TRIM72: variants seen among roughly 807,000 people sequenced by gnomAD.
The protein encoded by TRIM72 is tripartite motif-containing protein 72.
TRIM72 carries 33 observed loss-of-function variants against 31.6 expected under a neutral mutation model. The ratio of observed to expected loss-of-function variants is 1.04; its 90% CI spans 0.79 to 1.40. The LOEUF is 1.40. TRIM72 is among the 40% of genes most tolerant of loss of function. The pLI is 0.00. For missense variants in TRIM72, 666 were observed against 682.7 expected (o/e 0.98, Z 0.27); for synonymous variants, 301 against 314.4 (o/e 0.96, Z 0.45).
chr16:31,223,884 C>T (rs756202361), intron 6 of TRIM72, among the ~76,000 whole-genome samples: 3 of 151,824 alleles, frequency 2.0e-5, no homozygotes, highest in South Asian at 2.1e-4. Context: ...CCAGCCTGGG[C>T]GACAGAGTGA....
Position 31,219,453 on chromosome 16 carries a change from G to A in TRIM72, c.651G>A (p.Glu217=), listed in dbSNP as rs747123016. 6.2e-7 allele frequency: 1 copy of A among 1,611,784 alleles called. No homozygotes were observed. Among genetic ancestry groups the A allele is most frequent in the Non-Finnish European group, 8.5e-7 (1 of 1,179,334 alleles). ...TGGGGAGCCTGAACTCTTACCTGGA[G>A]CAGCTGCGGCAGATGGAGAAGGTCC... ...RELGSLNSYL[E]QLRQMEKVLE... The change falls in exon 4 of 7, where the codon GAG becomes GAA. Residue 217 remains glutamate, a synonymous_variant. Transcript: ENST00000322122. The surrounding 1 kb of genome is among the most constrained non-coding windows in gnomAD (Gnocchi z 4.2).
rs1441494900 is a variant in TRIM72, at chr16:31,224,505, T to C, written c.1184T>C (p.Val395Ala). 2 of 1,493,526 alleles carry C rather than the reference T, an allele frequency of 1.3e-6. No individual in the cohort carries two copies. Among genetic ancestry groups the C allele is most frequent in the South Asian group, 1.3e-5 (1 of 78,142 alleles). The allele number at this position is 1,493,526 out of a possible 1,614,324, so 92.5% of individuals were successfully genotyped here. ...LREGKILEAH[V>A]EAKEPRALRS... ...GAGGGCAAGATCCTGGAGGCACACG[T>C]GGAGGCCAAGGAGCCGCGCGCTCTG... Residue 395 changes from valine (V) to alanine (A), a missense_variant, in exon 7 of 7, where the codon GTG becomes GCG. Physicochemically the swap from Val to Ala is moderately conservative, Grantham distance 64 (BLOSUM62 0). Coordinates refer to ENST00000322122, the MANE Select transcript of TRIM72 (RefSeq NM_001008274.4).
In TRIM72 at chr16:31,226,179, A is replaced by C. The variant is rs1285773396; in HGVS notation, c.*1424A>C. The stretch of plus-strand genomic sequence containing the variant: ...CTGACGCTGCGGGAAGCCCTGACCT[A>C]GTGCACAACCCATTGGGCTCTTCAC... On this transcript the variant is annotated 3_prime_UTR_variant, in exon 7 of 7. Coordinates refer to ENST00000322122, the MANE Select transcript of TRIM72 (RefSeq NM_001008274.4). 6.6e-6 allele frequency: 1 copy of C among 152,124 alleles called. No individual in the cohort carries two copies. The highest frequency in any genetic ancestry group is 1.5e-5 in the Non-Finnish European group (1 of 68,020). 9.4% of individuals were successfully genotyped at this position (152,124 alleles called of 1,614,324 possible).
At chr16:31,214,574 T>C (rs1217840380) in intron 1 of TRIM72, among the ~76,000 whole-genome samples, 158 bp from the exon 2 acceptor site, 1 of 152,170 alleles carries the variant, frequency 6.6e-6, no homozygotes, top group Non-Finnish European at 1.5e-5. Flanking sequence ...TCTTTCCCCT[T>C]GGCCGTCAGA....
chr16:31,216,640 A>G lies in TRIM72; in HGVS notation c.390+1512A>G. The G allele has an allele frequency of 8.1e-7, 1 of 1,238,442 alleles. No individual in the cohort carries two copies. Among genetic ancestry groups the G allele is most frequent in the South Asian group, 1.5e-5 (1 of 65,760 alleles). The allele number at this position is 1,238,442 out of a possible 1,614,324, so 76.7% of individuals were successfully genotyped here. A position where few individuals can be genotyped will look rare whatever the true frequency, so the allele number is the denominator to read the frequency against. On this transcript the variant is annotated intron_variant, in intron 2 of 6. Transcript: ENST00000322122. This position sits in a 1 kb window ranked among gnomAD's most constrained non-coding sequence, Gnocchi z 6.7. The stretch of plus-strand genomic sequence containing the variant: ...GGGCTGGCCGGAGGTCTGAGGGAGG[A>G]CCCCAGGAGGGACCCTGAAGGAGGG...
chr16:31,221,856 G>A, intron 5 of TRIM72, among the ~76,000 whole-genome samples: 1 of 150,458 alleles, frequency 6.6e-6, no homozygotes. Flanking sequence ...AGGGCATTGT[G>A]GGGAGAAGGG....
chr16:31,218,281 A>T lies in TRIM72; in HGVS notation c.391-814A>T, dbSNP rs1347395785. On this transcript the variant is annotated intron_variant, in intron 2 of 6. Coordinates refer to ENST00000322122, the MANE Select transcript of TRIM72 (RefSeq NM_001008274.4). ...CAAGGGGCTGGGGGTGTGGCGGTTC[A>T]TGCCTGTAATCCCAGCATGCTGGGA... Among the ~76,000 whole-genome samples the T allele has an allele frequency of 2.0e-5, 3 of 152,020 alleles. No individual in the cohort carries two copies. The East Asian group carries it at 5.8e-4, about 29-fold the overall frequency.
chr16:31,216,869 C>T lies in TRIM72; in HGVS notation c.390+1741C>T, dbSNP rs1567493153. The T allele has an allele frequency of 1.9e-6, 3 of 1,613,922 alleles. No homozygotes were observed. Among genetic ancestry groups the T allele is most frequent in the Non-Finnish European group, 1.7e-6 (2 of 1,179,986 alleles). ...TCGTAGTAGGAGGCGACCAGCTTGT[C>T]GGTGAGGTCCACGATATCTAGCTGC... On this transcript the variant is annotated intron_variant, in intron 2 of 6. Transcript: ENST00000322122. This position sits in a 1 kb window ranked among gnomAD's most constrained non-coding sequence, Gnocchi z 6.7.
intron 5 of TRIM72, among the ~76,000 whole-genome samples, chr16:31,222,498 T>TTTTA (rs398029196): frequency 3.3e-5 from 5 of 149,390 alleles, no homozygotes; most frequent in East Asian, 1.9e-4. Flanking sequence ...TTTTTTTTTT[T>TTTTA]AGACAGGATC....
rs1203185409 is a variant in TRIM72 at position 31,214,996 on chromosome 16, C to A, written c.258C>A (p.Cys86Ter). ...TGGCCCAGGTGCCGCAGGGCCACTGCGAGGAGCACCTGGACCCGCTGAGCA... is the reference window on the plus strand; with the variant it reads ...TGGCCCAGGTGCCGCAGGGCCACTGAGAGGAGCACCTGGACCCGCTGAGCA... ...EGLAQVPQGH[C>*]EEHLDPLSIY... Residue 86 changes from cysteine (C) to a stop codon, truncating the protein, a stop_gained, in exon 2 of 7, where the codon TGC (cysteine) becomes TGA (stop). Coordinates refer to ENST00000322122, the MANE Select transcript of TRIM72 (RefSeq NM_001008274.4). LOFTEE classifies it high-confidence loss of function. 1 of 1,499,174 alleles carries A rather than the reference C, an allele frequency of 6.7e-7. No individual in the cohort carries two copies. The highest frequency in any genetic ancestry group is 1.3e-5 in the South Asian group (1 of 79,906). 92.9% of individuals were successfully genotyped at this position (1,499,174 alleles called of 1,614,324 possible).
rs1434480992 is a variant in TRIM72, at chr16:31,224,815, TCGGGTCTGA to T, written c.*65_*73del. On this transcript the variant is annotated 3_prime_UTR_variant, in exon 7 of 7. Transcript: ENST00000322122. ...TGGGTTGAAGCTTAGGTCTCCTTGG[TCGGGTCTGA>T]CGGGAGAAGGGTGGGGAGCGGGTTG... The T allele has an allele frequency of 1.4e-6, 2 of 1,402,172 alleles. No individual in the cohort carries two copies. The highest frequency in any genetic ancestry group is 5.5e-5 in the East Asian group (2 of 36,590). 86.9% of individuals were successfully genotyped at this position (1,402,172 alleles called of 1,614,324 possible). A position where few individuals can be genotyped will look rare whatever the true frequency, so the allele number is the denominator to read the frequency against.
chr16:31,229,027 T>A lies in TRIM72; in HGVS notation c.*4272T>A, dbSNP rs2079562466. The A allele has an allele frequency of 6.6e-6, 1 of 152,330 alleles. No individual in the cohort carries two copies. Among genetic ancestry groups the A allele is most frequent in the South Asian group, 2.1e-4 (1 of 4,832 alleles). 9.4% of individuals were successfully genotyped at this position (152,330 alleles called of 1,614,324 possible). A position where few individuals can be genotyped will look rare whatever the true frequency, so the allele number is the denominator to read the frequency against. ...TCTCCTCTCTGGATCGCCCAGCAGCTCCTCCACCATGTGTAGCCCACGGCA... is the reference window on the plus strand; with the variant it reads ...TCTCCTCTCTGGATCGCCCAGCAGCACCTCCACCATGTGTAGCCCACGGCA... On this transcript the variant is annotated 3_prime_UTR_variant, in exon 7 of 7. Transcript: ENST00000322122.
rs1596945469 is a variant in TRIM72, at chr16:31,227,039, T to C, written c.*2284T>C. On this transcript the variant is annotated 3_prime_UTR_variant, in exon 7 of 7. Coordinates refer to ENST00000322122, the MANE Select transcript of TRIM72 (RefSeq NM_001008274.4). ...AGAGGAAGGCCTGTGGAGCCCTGGC[T>C]TCAGGAGACAGAAGAGAGGATTAAC... 1 of 152,330 alleles carries C rather than the reference T, an allele frequency of 6.6e-6. No individual in the cohort carries two copies. The highest frequency in any genetic ancestry group is 1.5e-5 in the Non-Finnish European group (1 of 68,044). 9.4% of individuals were successfully genotyped at this position (152,330 alleles called of 1,614,324 possible).
In TRIM72 at chr16:31,216,436, A is replaced by AAC; in HGVS notation, c.390+1309_390+1310insCA. The AAC allele has an allele frequency of 2.8e-6, 1 of 352,824 alleles. No homozygotes were observed. Among genetic ancestry groups the AAC allele is most frequent in the Non-Finnish European group, 5.1e-6 (1 of 194,996 alleles). The allele number at this position is 352,824 out of a possible 1,614,324, so 21.9% of individuals were successfully genotyped here. On this transcript the variant is annotated intron_variant, in intron 2 of 6. Transcript: ENST00000322122. The surrounding 1 kb of genome is among the most constrained non-coding windows in gnomAD (Gnocchi z 6.7). ...CTTGCTGCCGCTAAAAAAAAAACAA[A>AAC]AAACAAACAAACAAAAAAAACCCAA...
chr16:31,219,681 AC>A lies in TRIM72; in HGVS notation c.717+163del, dbSNP rs1322977396. Reference sequence around the variant, plus strand: ...TGCTATATGGTTGTTTAGGTTGAGCACTGCATAAGGACATTGTATTAAGTGA... The same window carrying A: ...TGCTATATGGTTGTTTAGGTTGAGCATGCATAAGGACATTGTATTAAGTGA... On this transcript the variant is annotated intron_variant, in intron 4 of 6. Coordinates refer to ENST00000322122, the MANE Select transcript of TRIM72 (RefSeq NM_001008274.4). This position sits in a 1 kb window ranked among gnomAD's most constrained non-coding sequence, Gnocchi z 4.2. 6.6e-6 allele frequency among the ~76,000 whole-genome samples: 1 copy of A among 152,212 alleles called. No individual in the cohort carries two copies. The highest frequency in any genetic ancestry group is 1.9e-4 in the East Asian group (1 of 5,202).
intron 4 of TRIM72, among the ~76,000 whole-genome samples, chr16:31,220,389 A>G (rs187323704): frequency 8.2e-5 from 12 of 147,002 alleles, no homozygotes; most frequent in Admixed American, 7.6e-4. Flanking sequence ...GGAGGCAAAG[A>G]TACCTTTTTG....
chr16:31,216,857 C>T lies in TRIM72; in HGVS notation c.390+1729C>T. 1.2e-6 allele frequency: 2 copies of T among 1,613,838 alleles called. No individual in the cohort carries two copies. The highest frequency in any genetic ancestry group is 1.7e-6 in the Non-Finnish European group (2 of 1,179,948). On this transcript the variant is annotated intron_variant, in intron 2 of 6. Coordinates refer to ENST00000322122, the MANE Select transcript of TRIM72 (RefSeq NM_001008274.4). This position sits in a 1 kb window ranked among gnomAD's most constrained non-coding sequence, Gnocchi z 6.7. ...GCTGCGTAGTCCTCGTAGTAGGAGG[C>T]GACCAGCTTGTCGGTGAGGTCCACG...
At position 31,219,745 on chromosome 16, in the gene TRIM72, T is replaced by G. The variant is rs76750340; in HGVS notation, c.717+226T>G. ...TCATAGACATTGTAGGTTTATATAT[T>G]TATTAGGACACTCTTATTTTTATTT... On this transcript the variant is annotated intron_variant, in intron 4 of 6. Coordinates refer to ENST00000322122, the MANE Select transcript of TRIM72 (RefSeq NM_001008274.4). This position sits in a 1 kb window ranked among gnomAD's most constrained non-coding sequence, Gnocchi z 4.2. Among the ~76,000 whole-genome samples, 3,222 of 152,238 alleles carry G rather than the reference T, an allele frequency of 0.021. 35 individuals carry two copies. Among genetic ancestry groups the G allele is most frequent in the Non-Finnish European group, 0.032 (2,204 of 68,008 alleles).
chr16:31,219,295 G>A lies in TRIM72; in HGVS notation c.493G>A (p.Val165Met), dbSNP rs1460787138. 2 of 1,614,066 alleles carry A rather than the reference G, an allele frequency of 1.2e-6. No homozygotes were observed. The highest frequency in any genetic ancestry group is 1.7e-6 in the Non-Finnish European group (2 of 1,180,040). ...CACTGCCCCATCCCTGCAGGAGACA[G>A]TGCGTCAGTTCCGGGGGGCCGTGGG... is the stretch of plus-strand genomic sequence containing the variant. The part of the protein sequence containing the change: ...EHQLVEVEET[V>M]RQFRGAVGEQ... The change falls in exon 4 of 7, where the codon GTG (valine) becomes ATG (methionine). Residue 165 changes from valine (V) to methionine (M), a missense_variant. Physicochemically the swap from Val to Met is conservative, Grantham distance 21. Transcript: ENST00000322122. The surrounding 1 kb of genome is among the most constrained non-coding windows in gnomAD (Gnocchi z 4.2).
Sources: allele counts gnomAD v4.1 joint callset (sites outside exome capture counted in the v4.1 genomes callset), GRCh38; gene constraint gnomAD v4.1.1; non-coding constraint Gnocchi (gnomAD v3.1); transcripts MANE v1.5; gene names NCBI Gene and HGNC (gene_info 2026-07-23, HGNC 2026-07-21).